CENPW: variants seen among roughly 807,000 people sequenced by gnomAD.
The protein encoded by CENPW is cancer-up-regulated gene 2 protein.
CENPW carries 3 observed loss-of-function variants against 11.1 expected under a neutral mutation model. The observed-to-expected ratio is 0.27, with a 90% CI of 0.12 to 0.70. CENPW has a LOEUF of 0.70. Among genes scored for constraint, CENPW ranks in the 30% least tolerant of loss-of-function variants. The probability of loss-of-function intolerance (pLI) is 0.77; values close to 1 mark genes in which losing one functional copy is unlikely to be tolerated. For missense variants in CENPW, 100 were observed against 105.6 expected (o/e 0.95, Z 0.23); for synonymous variants, 38 against 42.0 (o/e 0.91, Z 0.37).
the CENPW span, among the ~76,000 whole-genome samples, chr6:126,383,651 T>C: frequency 1.3e-5 from 2 of 151,756 alleles, no homozygotes; most frequent in Non-Finnish European, 2.9e-5. Flanking sequence ...AAACATACCG[T>C]AAACCAACAA....
At chr6:126,473,327 A>G in the CENPW span, among the ~76,000 whole-genome samples, 1 of 152,176 alleles carries the variant, frequency 6.6e-6, no homozygotes, top group Non-Finnish European at 1.5e-5. Flanking sequence ...TTAGCTCTAT[A>G]AAAAATTGGC....
chr6:126,363,291 A>G, the CENPW span, among the ~76,000 whole-genome samples: 1 of 152,230 alleles, frequency 6.6e-6, no homozygotes, highest in African/African-American at 2.4e-5. Context: ...TGGCCTACAG[A>G]TAAGTTTTAT....
At chr6:126,360,424 G>C in the CENPW span, among the ~76,000 whole-genome samples, 1 of 152,012 alleles carries the variant, frequency 6.6e-6, no homozygotes. Context: ...GTCTCCTATA[G>C]TACCTAGCTA....
At chr6:126,345,940 A>T (rs1780400176) in intron 1 of CENPW, among the ~76,000 whole-genome samples, 1 of 152,178 alleles carries the variant, frequency 6.6e-6, no homozygotes, top group Non-Finnish European at 1.5e-5. Flanking sequence ...ATACGTTTTG[A>T]TATGTAATGA....
At chr6:126,456,476 G>A in the CENPW span, among the ~76,000 whole-genome samples, 1 of 151,630 alleles carries the variant, frequency 6.6e-6, no homozygotes, top group South Asian at 2.1e-4. Flanking sequence ...TTCAATAAAT[G>A]GTGCTAGGGT....
At chr6:126,420,866 T>C in the CENPW span, among the ~76,000 whole-genome samples, 21 of 152,272 alleles carry the variant, frequency 1.4e-4, no homozygotes, top group South Asian at 3.9e-3. Context: ...CCAGCCTTTC[T>C]AAAATGTCAG....
intron 2 of CENPW, among the ~76,000 whole-genome samples, chr6:126,346,838 C>A (rs985000692): frequency 6.6e-6 from 1 of 152,088 alleles, no homozygotes; most frequent in African/African-American, 2.4e-5. Context: ...GAAAGCCAAA[C>A]CATATCACCA....
chr6:126,421,918 C>G, the CENPW span, among the ~76,000 whole-genome samples: 1 of 152,066 alleles, frequency 6.6e-6, no homozygotes, highest in African/African-American at 2.4e-5. Flanking sequence ...CTAATGAGAG[C>G]TTCAAGGCCA....
At chr6:126,370,724 G>T in the CENPW span, among the ~76,000 whole-genome samples, 2 of 151,364 alleles carry the variant, frequency 1.3e-5, no homozygotes, top group Non-Finnish European at 1.5e-5. Context: ...AGTTTCACTT[G>T]CTCTTAACTG....
At chr6:126,466,326 G>T in the CENPW span, among the ~76,000 whole-genome samples, 2 of 152,056 alleles carry the variant, frequency 1.3e-5, no homozygotes. Context: ...GAAGGCAAAG[G>T]AAACTGTATA....
At chr6:126,384,450 T>A in the CENPW span, among the ~76,000 whole-genome samples, 1 of 151,986 alleles carries the variant, frequency 6.6e-6, no homozygotes, top group Non-Finnish European at 1.5e-5. Context: ...TGGAACAGAA[T>A]AGAGAGCCCA....
At chr6:126,382,977 A>G in the CENPW span, among the ~76,000 whole-genome samples, 24 of 152,194 alleles carry the variant, frequency 1.6e-4, no homozygotes, top group Non-Finnish European at 3.4e-4. Context: ...CCCAAGACAC[A>G]TAATCTTCAG....
the CENPW span, among the ~76,000 whole-genome samples, chr6:126,483,069 G>T: frequency 1.3e-5 from 2 of 151,764 alleles, 1 homozygote; most frequent in South Asian, 4.1e-4. Flanking sequence ...GTGATCCTAG[G>T]TAGTGGACCC....
the CENPW span, among the ~76,000 whole-genome samples, chr6:126,444,172 G>A: frequency 3.4e-5 from 5 of 149,058 alleles, no homozygotes; most frequent in South Asian, 1.1e-3. Flanking sequence ...GTCTCTTCTG[G>A]TTATTTTTTT....
the CENPW span, among the ~76,000 whole-genome samples, chr6:126,390,959 A>G: frequency 4.0e-5 from 6 of 151,874 alleles, no homozygotes; most frequent in African/African-American, 9.7e-5. Flanking sequence ...TCTTCAATAT[A>G]CTGATTTCCT....
chr6:126,433,127 T>A, the CENPW span, among the ~76,000 whole-genome samples: 1 of 152,188 alleles, frequency 6.6e-6, no homozygotes. Context: ...TCTTCAAAAA[T>A]TTGTATTTTT....
chr6:126,370,067 A>G, the CENPW span, among the ~76,000 whole-genome samples: 1 of 152,154 alleles, frequency 6.6e-6, no homozygotes, highest in Non-Finnish European at 1.5e-5. Context: ...GCTGTGTCAA[A>G]GATCAGTTGG....
At chr6:126,463,200 C>A in the CENPW span, among the ~76,000 whole-genome samples, 2 of 151,900 alleles carry the variant, frequency 1.3e-5, no homozygotes, top group African/African-American at 4.8e-5. Flanking sequence ...TGGGAGTGCA[C>A]ACACAAGAAG....
the CENPW span, among the ~76,000 whole-genome samples, chr6:126,415,717 G>T: frequency 2.0e-5 from 3 of 152,148 alleles, no homozygotes; most frequent in African/African-American, 7.2e-5. Context: ...TTAAAAAGGG[G>T]AGTTTCCCTG....
Sources: gnomAD v4.1 joint callset for allele counts (sites outside exome capture counted in the v4.1 genomes callset) on GRCh38, gnomAD v4.1.1 for gene constraint, MANE v1.5 for transcripts, NCBI Gene and HGNC (gene_info 2026-07-23, HGNC 2026-07-21) for gene names.